The following SORCS1 variants were observed in gnomAD, a reference collection of about 807,000 sequenced individuals.
SORCS1 encodes VPS10 domain-containing receptor SorCS1.
SORCS1 carries 60 observed loss-of-function variants against 146.1 expected under a neutral mutation model. That is an observed-to-expected ratio of 0.41 (90% CI 0.33 to 0.51). The LOEUF (loss-of-function observed/expected upper bound fraction) is 0.51. Ranked by LOEUF, SORCS1 falls within the 20% of genes least tolerant of loss-of-function variation. The pLI, the probability that SORCS1 is intolerant of heterozygous loss-of-function variation, is 0.21. For synonymous variants in SORCS1, 637 were observed against 584.0 expected, an observed-to-expected ratio of 1.09 and a Z score of -1.31; for missense variants, 1,352 against 1,487.6, an observed-to-expected ratio of 0.91 and a Z score of 1.50.
At chr10:107,095,763 A>G (rs1220412480) in intron 1 of SORCS1, among the ~76,000 whole-genome samples, 1 of 152,210 alleles carries the variant, frequency 6.6e-6, no homozygotes. Context: ...CCAATGGCTA[A>G]GTATAGGGCA....
chr10:106,842,647 G>A lies in SORCS1; in HGVS notation c.627-12974C>T, dbSNP rs550585322. ...TTTTGTGTTTTTGAGATGGAGTTTC[G>A]CTGTTGTTTCCCAGGCTGGAGTGCA... On this transcript the variant is annotated intron_variant, in intron 2 of 25. Transcript: ENST00000263054. Among the ~76,000 whole-genome samples, 30 of 151,860 alleles carry A rather than the reference G, an allele frequency of 2.0e-4. 1 individual carries two copies. The highest frequency in any genetic ancestry group is 3.4e-3 in the Middle Eastern group (1 of 290).
intron 5 of SORCS1, among the ~76,000 whole-genome samples, chr10:106,737,699 C>T (rs1352208204): frequency 3.4e-5 from 5 of 149,050 alleles, no homozygotes; most frequent in Non-Finnish European, 6.0e-5. Context: ...CACTCCCCTA[C>T]CCACCCCCAC....
intron 17 of SORCS1, among the ~76,000 whole-genome samples, chr10:106,663,434 T>C (rs1850888119): frequency 6.6e-6 from 1 of 152,054 alleles, no homozygotes. Context: ...GGGGCCAGGA[T>C]TGGGATGATG....
chr10:107,126,715 T>G (rs1046668891), intron 1 of SORCS1, among the ~76,000 whole-genome samples: 7 of 152,132 alleles, frequency 4.6e-5, no homozygotes, highest in African/African-American at 1.7e-4. Flanking sequence ...GCACTTCTTT[T>G]GATGGATGTG....
chr10:107,031,227 G>A (rs78486191), intron 1 of SORCS1, among the ~76,000 whole-genome samples: 7,116 of 152,178 alleles, frequency 0.047, 422 homozygotes, highest in African/African-American at 0.14. Flanking sequence ...TATTACATGT[G>A]TCAATAGTTT....
At chr10:107,049,280 GA>G (rs1306214135) in intron 1 of SORCS1, among the ~76,000 whole-genome samples, 2 of 99,742 alleles carry the variant, frequency 2.0e-5, no homozygotes, top group Non-Finnish European at 3.8e-5. Context: ...GGGGTGGGGG[GA>G]GGGGGGAGGG....
At chr10:106,705,398 C>A in intron 8 of SORCS1, among the ~76,000 whole-genome samples, 1 of 152,160 alleles carries the variant, frequency 6.6e-6, no homozygotes, top group Admixed American at 6.5e-5. Flanking sequence ...TTACCACTGG[C>A]TCTCCCGGGA....
chr10:107,080,974 T>C (rs1963284787), intron 1 of SORCS1, among the ~76,000 whole-genome samples: 1 of 152,232 alleles, frequency 6.6e-6, no homozygotes, highest in Non-Finnish European at 1.5e-5. Context: ...ACATTTATCA[T>C]AACATTTAGT....
intron 3 of SORCS1, among the ~76,000 whole-genome samples, chr10:106,801,675 G>T (rs1036194134): frequency 1.3e-5 from 2 of 151,794 alleles, no homozygotes; most frequent in Admixed American, 6.6e-5. Context: ...GACTACAGGC[G>T]CCCGCCACCA....
chr10:107,125,767 C>T (rs752489119), intron 1 of SORCS1, among the ~76,000 whole-genome samples: 1 of 152,004 alleles, frequency 6.6e-6, no homozygotes, highest in Non-Finnish European at 1.5e-5. Context: ...TCTTTTTTTC[C>T]CCCTCTGCTA....
chr10:106,946,687 G>A (rs1325045308), intron 2 of SORCS1, among the ~76,000 whole-genome samples: 2 of 152,228 alleles, frequency 1.3e-5, no homozygotes, highest in Non-Finnish European at 2.9e-5. Context: ...TAATAATACA[G>A]TATGGAAACA....
At chr10:107,071,723 A>G (rs1422935210) in intron 1 of SORCS1, among the ~76,000 whole-genome samples, 1 of 152,222 alleles carries the variant, frequency 6.6e-6, no homozygotes, top group Non-Finnish European at 1.5e-5. Context: ...CCTAACACTC[A>G]CACTAGTCAG....
chr10:106,822,010 G>C (rs1948058217), intron 3 of SORCS1, among the ~76,000 whole-genome samples: 1 of 152,068 alleles, frequency 6.6e-6, no homozygotes, highest in Non-Finnish European at 1.5e-5. Context: ...AGCAGATATG[G>C]GGGACAAGAA....
chr10:107,077,005 G>C lies in SORCS1; in HGVS notation c.558+86964C>G, dbSNP rs145351049. ...GTTATGCTATTTCAAGATGAAAGCA[G>C]CTTGATTATTTGCATGTGTTACTTC... is the stretch of plus-strand genomic sequence containing the variant. On this transcript the variant is annotated intron_variant, in intron 1 of 25. Coordinates refer to ENST00000263054, the MANE Select transcript of SORCS1 (RefSeq NM_052918.5). 8.7e-3 allele frequency among the ~76,000 whole-genome samples: 1,326 copies of C among 152,256 alleles called. 24 individuals carry two copies. The highest frequency in any genetic ancestry group is 0.031 in the African/African-American group (1,270 of 41,552).
Position 106,841,941 on chromosome 10 carries a change from T to G in SORCS1, c.627-12268A>C, listed in dbSNP as rs191743012. On this transcript the variant is annotated intron_variant, in intron 2 of 25. Coordinates refer to ENST00000263054, the MANE Select transcript of SORCS1 (RefSeq NM_052918.5). ...TGTTTTCAACTCCTTTGGGTAAATA[T>G]CAAGGTATGTGATTGCTGGATTGTA... 1.1e-4 allele frequency among the ~76,000 whole-genome samples: 17 copies of G among 152,342 alleles called. No homozygotes were observed. The East Asian group carries it at 3.3e-3, about 29-fold the overall frequency.
intron 3 of SORCS1, among the ~76,000 whole-genome samples, chr10:106,826,552 T>C (rs1948314453): frequency 6.6e-6 from 1 of 152,234 alleles, no homozygotes; most frequent in Non-Finnish European, 1.5e-5. Context: ...AAGTACTATC[T>C]CTTTGATTCA....
At chr10:107,124,086 CAAA>C (rs58402182) in intron 1 of SORCS1, among the ~76,000 whole-genome samples, 4 of 72,298 alleles carry the variant, frequency 5.5e-5, no homozygotes, top group African/African-American at 4.6e-5. Flanking sequence ...GACTTCGTCT[CAAA>C]AAAAAAAAAA....
chr10:106,588,118 A>G (rs1050329992), intron 24 of SORCS1, among the ~76,000 whole-genome samples: 3 of 152,340 alleles, frequency 2.0e-5, no homozygotes, highest in Admixed American at 1.3e-4. Flanking sequence ...AGGCTGTTCA[A>G]TTACATCTGC....
intron 2 of SORCS1, among the ~76,000 whole-genome samples, chr10:106,842,098 T>A (rs977777624): frequency 6.6e-6 from 1 of 152,216 alleles, no homozygotes; most frequent in East Asian, 1.9e-4. Flanking sequence ...GTGTTCTCAG[T>A]GTTTTAGATT....
Sources: allele counts gnomAD v4.1 joint callset (sites outside exome capture counted in the v4.1 genomes callset), GRCh38; gene constraint gnomAD v4.1.1; transcripts MANE v1.5; gene names NCBI Gene and HGNC (gene_info 2026-07-23, HGNC 2026-07-21).